The following MICU1 variants were observed in gnomAD, a reference collection of about 807,000 sequenced individuals.
MICU1 encodes the protein calcium uptake protein 1, mitochondrial.
A neutral mutation model predicts 56.8 loss-of-function variants in MICU1; 45 were observed. The observed-to-expected ratio is 0.79, with a 90% CI of 0.62 to 1.02. The LOEUF is 1.02. Ranked by LOEUF, MICU1 falls within the 50% of genes least tolerant of loss-of-function variation. MICU1 has a pLI of 0.00. For missense variants in MICU1, 504 were observed against 587.1 expected (o/e 0.86, Z 1.46); for synonymous variants, 186 against 195.1 (o/e 0.95, Z 0.39).
Position 72,475,215 on chromosome 10 carries a change from C to T in MICU1, c.818G>A (p.Gly273Asp). The change falls in exon 8 of 12, where the codon GGC (glycine) becomes GAC (aspartate). Residue 273 changes from glycine to aspartate, a missense_variant. Transcript: ENST00000361114. The part of the protein sequence containing the change: ...RPTTGNTLKS[G>D]LCSALTTYFF... ...GTAGGTTGTGAGGGCTGAACACAAG[C>T]CAGACTTGAGGGTGTTGCCAGTAGT... 1.2e-6 allele frequency: 2 copies of T among 1,611,000 alleles called. No homozygotes were observed. Among genetic ancestry groups the T allele is most frequent in the East Asian group, 2.2e-5 (1 of 44,836 alleles).
intron 5 of MICU1, among the ~76,000 whole-genome samples, chr10:72,520,257 T>G (rs914925351): frequency 1.3e-5 from 2 of 152,118 alleles, no homozygotes; most frequent in African/African-American, 4.8e-5. Context: ...ATTATCTAGT[T>G]GGTGCATGGA....
intron 8 of MICU1, among the ~76,000 whole-genome samples, chr10:72,437,158 T>C (rs926028785): frequency 1.3e-5 from 2 of 152,100 alleles, no homozygotes; most frequent in Admixed American, 1.3e-4. Context: ...AAAGGTTGAG[T>C]TACCCACAAA....
Position 72,551,271 on chromosome 10 carries a change from A to G in MICU1, c.401T>C (p.Leu134Ser). 1 of 1,613,554 alleles carries G rather than the reference A, an allele frequency of 6.2e-7. No individual in the cohort carries two copies. Among genetic ancestry groups the G allele is most frequent in the Non-Finnish European group, 8.5e-7 (1 of 1,179,680 alleles). The change falls in exon 4 of 12, where the codon TTG becomes TCG. Residue 134 changes from leucine to serine, a missense_variant. Coordinates refer to ENST00000361114, the MANE Select transcript of MICU1 (RefSeq NM_001195518.2). ...TTCACCAGGCTCACTGATGACTTTC[A>G]AGGTGGCAAAATATCGGAAGATTTT... Reference protein sequence around the residue: ...PDKIFRYFATLKVISEPGEAE... With the variant: ...PDKIFRYFATSKVISEPGEAE...
intron 1 of MICU1, among the ~76,000 whole-genome samples, chr10:72,598,630 T>C (rs1211577887): frequency 6.6e-6 from 1 of 152,084 alleles, no homozygotes; most frequent in Non-Finnish European, 1.5e-5. Context: ...AAAAAGAGAA[T>C]AACCATTAAT....
At chr10:72,536,716 T>A (rs1239176219) in intron 4 of MICU1, among the ~76,000 whole-genome samples, 2 of 152,248 alleles carry the variant, frequency 1.3e-5, no homozygotes, top group Non-Finnish European at 2.9e-5. Context: ...ATACTTTATT[T>A]AACTGAATAT....
intron 4 of MICU1, among the ~76,000 whole-genome samples, chr10:72,547,260 A>G (rs1839919237): frequency 6.6e-6 from 1 of 151,950 alleles, no homozygotes; most frequent in African/African-American, 2.4e-5. Flanking sequence ...GCTGGTTTTG[A>G]ACTCCTGGCC....
chr10:72,547,175 G>A (rs1382591822), intron 4 of MICU1, among the ~76,000 whole-genome samples: 3 of 151,684 alleles, frequency 2.0e-5, no homozygotes, highest in Non-Finnish European at 4.4e-5. Flanking sequence ...TTACAGGTGT[G>A]AGCCACCACG....
intron 1 of MICU1, among the ~76,000 whole-genome samples, chr10:72,612,074 T>A (rs112043084): frequency 1.3e-5 from 2 of 151,604 alleles, no homozygotes; most frequent in Non-Finnish European, 2.9e-5. Flanking sequence ...GAAACCAGAT[T>A]TGGTAACTCC....
In MICU1 at chr10:72,521,949, GTTC is replaced by G. The variant is rs1490211476; in HGVS notation, c.537+11794_537+11796del. On this transcript the variant is annotated intron_variant, in intron 5 of 11. Transcript: ENST00000361114. ...ATGTGCATCACTTCAAGAGTGTAAT[GTTC>G]TTTATAATTTTTAATTAATAAATGT... Among the ~76,000 whole-genome samples, 5 of 151,946 alleles carry G rather than the reference GTTC, an allele frequency of 3.3e-5. No individual in the cohort carries two copies. In the East Asian group the frequency reaches 9.6e-4, roughly 29 times the overall value.
chr10:72,610,053 A>T (rs1841801679), intron 1 of MICU1, among the ~76,000 whole-genome samples: 1 of 151,744 alleles, frequency 6.6e-6, no homozygotes. Context: ...AAAGAAAAAG[A>T]AAAAAGACCA....
chr10:72,564,675 A>G (rs1840383359), intron 2 of MICU1, among the ~76,000 whole-genome samples: 1 of 152,164 alleles, frequency 6.6e-6, no homozygotes, highest in African/African-American at 2.4e-5. Flanking sequence ...CTAAAGTGAC[A>G]GAGATCAAAG....
intron 10 of MICU1, among the ~76,000 whole-genome samples, chr10:72,407,093 T>A (rs987066647): frequency 1.3e-5 from 2 of 152,074 alleles, no homozygotes; most frequent in African/African-American, 4.8e-5. Context: ...GGTGGAAAAA[T>A]ATACAGTACA....
At chr10:72,556,460 C>T (rs539627113) in intron 3 of MICU1, among the ~76,000 whole-genome samples, 3 of 152,050 alleles carry the variant, frequency 2.0e-5, no homozygotes, top group African/African-American at 7.2e-5. Context: ...CATGCCTCAG[C>T]CACCCAAGTA....
intron 7 of MICU1, 141 bp downstream of exon 7, chr10:72,477,033 A>C: frequency 1.8e-6 from 1 of 548,620 alleles, no homozygotes; most frequent in Non-Finnish European, 3.1e-6. Flanking sequence ...TCAAAGAATA[A>C]TTTTGAGAAA....
chr10:72,542,813 G>A (rs1476501598), intron 4 of MICU1, among the ~76,000 whole-genome samples: 2 of 152,216 alleles, frequency 1.3e-5, no homozygotes, highest in East Asian at 3.8e-4. Context: ...CAGGAAAATT[G>A]AGGTCGCACG....
At chr10:72,377,818 G>A (rs189099607) in intron 10 of MICU1, among the ~76,000 whole-genome samples, 18 of 152,254 alleles carry the variant, frequency 1.2e-4, no homozygotes, top group South Asian at 4.1e-4. Context: ...CTTGTTTATC[G>A]CATTCCTATA....
chr10:72,392,984 T>C (rs916637868), intron 10 of MICU1, among the ~76,000 whole-genome samples: 5 of 152,222 alleles, frequency 3.3e-5, no homozygotes, highest in African/African-American at 1.2e-4. Flanking sequence ...AAATTACTAC[T>C]ATCATCACCT....
intron 1 of MICU1, among the ~76,000 whole-genome samples, chr10:72,569,223 A>ATTTTTT (rs1564939690): frequency 5.1e-5 from 2 of 39,222 alleles, no homozygotes; most frequent in African/African-American, 2.7e-4. Flanking sequence ...ATATATATAT[A>ATTTTTT]TATATATATA....
intron 1 of MICU1, among the ~76,000 whole-genome samples, chr10:72,586,480 A>G (rs111466488): frequency 6.6e-6 from 1 of 151,964 alleles, no homozygotes; most frequent in African/African-American, 2.4e-5. Flanking sequence ...GTGAAACCCC[A>G]TCTCTACTAA....
Sources: allele counts gnomAD v4.1 joint callset (sites outside exome capture counted in the v4.1 genomes callset), GRCh38; gene constraint gnomAD v4.1.1; transcripts MANE v1.5; gene names NCBI Gene and HGNC (gene_info 2026-07-23, HGNC 2026-07-21).